Variants in PAX9 observed in about 807,000 individuals in gnomAD.
The protein encoded by PAX9 is paired box protein Pax-9.
A neutral mutation model predicts 29.1 loss-of-function variants in PAX9; 6 were observed. That is an observed-to-expected ratio of 0.21 (90% CI 0.11 to 0.41). The LOEUF (loss-of-function observed/expected upper bound fraction) is 0.41, where lower values mean the gene tolerates loss of function less well. Among genes scored for constraint, PAX9 ranks in the 10% least tolerant of loss-of-function variants. The probability of loss-of-function intolerance (pLI) is 1.00; values close to 1 mark genes in which losing one functional copy is unlikely to be tolerated. For synonymous variants in PAX9, 217 were observed against 211.7 expected, an observed-to-expected ratio of 1.03 and a Z score of -0.22; for missense variants, 443 against 479.1, an observed-to-expected ratio of 0.92 and a Z score of 0.70.
rs1161932041 is a variant in PAX9 at position 36,663,490 on chromosome 14, G to T, written c.598G>T (p.Asp200Tyr). 2 of 1,612,898 alleles carry T rather than the reference G, an allele frequency of 1.2e-6. No homozygotes were observed. Among genetic ancestry groups the T allele is most frequent in the Admixed American group, 1.7e-5 (1 of 60,020 alleles). ...CTGGCCCTCCTCGCACTCCGTCACC[G>T]ACATCCTGGGCATCCGCTCCATCAC... ...RTWPSSHSVT[D>Y]ILGIRSITDQ... The change falls in exon 2 of 4, where the codon GAC becomes TAC. Residue 200 changes from aspartate to tyrosine, a missense_variant. By Grantham distance (160) the Asp-to-Tyr change is radical. Coordinates refer to ENST00000361487, the MANE Select transcript of PAX9 (RefSeq NM_001372076.1).
In PAX9 at chr14:36,677,097, T is replaced by C. The variant is rs1262974574; in HGVS notation, c.*645T>C. 6.4e-6 allele frequency: 1 copy of C among 155,176 alleles called. No individual in the cohort carries two copies. Among genetic ancestry groups the C allele is most frequent in the Non-Finnish European group, 1.4e-5 (1 of 69,940 alleles). The allele number at this position is 155,176 out of a possible 1,614,324, so 9.6% of individuals were successfully genotyped here. On this transcript the variant is annotated 3_prime_UTR_variant, in exon 4 of 4. Coordinates refer to ENST00000361487, the MANE Select transcript of PAX9 (RefSeq NM_001372076.1). Reference sequence around the variant, plus strand: ...TCCAAATACAATAATGTTTATATTTTCTATTAGTTTGTAAATACGGACTCT... The same window carrying C: ...TCCAAATACAATAATGTTTATATTTCCTATTAGTTTGTAAATACGGACTCT...
intron 2 of PAX9, among the ~76,000 whole-genome samples, chr14:36,664,608 T>C (rs1881421180): frequency 6.6e-6 from 1 of 151,324 alleles, no homozygotes; most frequent in African/African-American, 2.4e-5. Flanking sequence ...TTTTTCTTGG[T>C]AGGGAGAAAA....
intron 3 of PAX9, among the ~76,000 whole-genome samples, chr14:36,666,912 G>A (rs1233433993): frequency 6.6e-6 from 1 of 152,166 alleles, no homozygotes; most frequent in African/African-American, 2.4e-5. Flanking sequence ...GGGAGCTTGG[G>A]GAGGCGGCTC....
intron 3 of PAX9, among the ~76,000 whole-genome samples, chr14:36,669,829 G>C (rs1295102921): frequency 6.6e-6 from 1 of 151,998 alleles, no homozygotes; most frequent in Non-Finnish European, 1.5e-5. Context: ...ATATTTTGCA[G>C]TGCCATTCAG....
At chr14:36,665,703 T>C (rs1381748102) in intron 2 of PAX9, among the ~76,000 whole-genome samples, 1 of 152,186 alleles carries the variant, frequency 6.6e-6, no homozygotes, top group Non-Finnish European at 1.5e-5. Context: ...TTTCTCTTTC[T>C]TGTATATACA....
chr14:36,663,588 C>A lies in PAX9; in HGVS notation c.631+65C>A. On this transcript the variant is annotated intron_variant, in intron 2 of 3. Coordinates refer to ENST00000361487, the MANE Select transcript of PAX9 (RefSeq NM_001372076.1). ...TGCCCCCGCACTCTCGCGGAGGTCC[C>A]AGTATCTGCAGCCTCAGGGACACTG... The A allele has an allele frequency of 5.7e-6, 9 of 1,588,378 alleles. No homozygotes were observed. In the South Asian group the frequency reaches 1.0e-4, roughly 18 times the overall value.
rs1316710481 is a variant in PAX9, at chr14:36,661,937, T to C, written c.-153T>C. On this transcript the variant is annotated 5_prime_UTR_variant, in exon 1 of 4. Coordinates refer to ENST00000361487, the MANE Select transcript of PAX9 (RefSeq NM_001372076.1). ...ATCGGGGCACAGACTTCCTTTTACT[T>C]CTTCCTTTTGCCCTCTCGCCTCCTC... The C allele has an allele frequency of 8.1e-6, 7 of 868,842 alleles. No homozygotes were observed. Among genetic ancestry groups the C allele is most frequent in the African/African-American group, 3.3e-5 (2 of 59,852 alleles). The allele number at this position is 868,842 out of a possible 1,614,324, so 53.8% of individuals were successfully genotyped here.
At chr14:36,671,062 T>A in intron 3 of PAX9, 1 of 437,032 alleles carries the variant, frequency 2.3e-6, no homozygotes, top group Non-Finnish European at 4.5e-6. Context: ...CAAAACTTTT[T>A]CTTGCTTATG....
intron 3 of PAX9, among the ~76,000 whole-genome samples, chr14:36,668,307 A>G (rs2139114822): frequency 6.6e-6 from 1 of 152,318 alleles, no homozygotes; most frequent in South Asian, 2.1e-4. Context: ...GAGTTGAAAA[A>G]GTTTCTAATT....
At chr14:36,672,031 A>G (rs1275469745) in intron 3 of PAX9, 3 of 152,196 alleles carry the variant, frequency 2.0e-5, no homozygotes, top group Non-Finnish European at 2.9e-5. Flanking sequence ...TTTCAGGGGA[A>G]AGAATTCTCA....
chr14:36,662,127 G>GAAGGGAGGGAGGGAGCGAGCGGGC, intron 1 of PAX9, 34 bp downstream of exon 1: 1 of 1,113,318 alleles, frequency 9.0e-7, no homozygotes. Flanking sequence ...TCAGAGCCGG[G>GAAGGGAGGGAGGGAGCGAGCGGGC]AAGGGAGGGA....
At chr14:36,660,084 C>G (rs578094729), upstream of PAX9, among the ~76,000 whole-genome samples, 1 of 152,232 alleles carries the variant, frequency 6.6e-6, no homozygotes, top group African/African-American at 2.4e-5. Flanking sequence ...GTCAAGTTGC[C>G]GGGCATGTTC....
rs1370014578 is a variant in PAX9, at chr14:36,678,838, A to G, written c.*2386A>G. 2 of 980,996 alleles carry G rather than the reference A, an allele frequency of 2.0e-6. No homozygotes were observed. Among genetic ancestry groups the G allele is most frequent in the Non-Finnish European group, 2.4e-6 (2 of 819,344 alleles). The allele number at this position is 980,996 out of a possible 1,614,324, so 60.8% of individuals were successfully genotyped here. ...AGGTCTTAACAGTGAATTCACATGG[A>G]GTAATTTTTAAAAGATATCAGATAC... On this transcript the variant is annotated 3_prime_UTR_variant, in exon 4 of 4. Transcript: ENST00000361487.
At position 36,679,049 on chromosome 14, in the gene PAX9, C is replaced by T; in HGVS notation, c.*2597C>T. On this transcript the variant is annotated 3_prime_UTR_variant, in exon 4 of 4. Coordinates refer to ENST00000361487, the MANE Select transcript of PAX9 (RefSeq NM_001372076.1). ...AAATGCACTCTTCAGAAATCCTTTT[C>T]TATCTGATCCACATGGAGAGGTTAA... The T allele has an allele frequency of 1.0e-6, 1 of 985,440 alleles. No individual in the cohort carries two copies. Among genetic ancestry groups the T allele is most frequent in the Non-Finnish European group, 1.2e-6 (1 of 829,974 alleles). 61.0% of individuals were successfully genotyped at this position (985,440 alleles called of 1,614,324 possible). A position where few individuals can be genotyped will look rare whatever the true frequency, so the allele number is the denominator to read the frequency against.
chr14:36,663,440 C>T lies in PAX9; in HGVS notation c.548C>T (p.Pro183Leu). The change falls in exon 2 of 4, where the codon CCC (proline) becomes CTC (leucine). Residue 183 changes from proline (P) to leucine (L), a missense_variant. Coordinates refer to ENST00000361487, the MANE Select transcript of PAX9 (RefSeq NM_001372076.1). The stretch of plus-strand genomic sequence containing the variant: ...ACGCCACCCGGGGTGCCTGCCATCC[C>T]CGGTTCGGTGGCCATGCCGCGCACC... ...VPTPPGVPAI[P>L]GSVAMPRTWP... 2 of 1,613,032 alleles carry T rather than the reference C, an allele frequency of 1.2e-6. No individual in the cohort carries two copies. Among genetic ancestry groups the T allele is most frequent in the Non-Finnish European group, 8.5e-7 (1 of 1,179,756 alleles).
chr14:36,660,819 A>G (rs1266868310), upstream of PAX9, among the ~76,000 whole-genome samples: 2 of 152,262 alleles, frequency 1.3e-5, no homozygotes, highest in African/African-American at 2.4e-5. Flanking sequence ...TTTGGCTGCA[A>G]AAAAGCATAC....
In PAX9 at chr14:36,678,726, G is replaced by T; in HGVS notation, c.*2274G>T. On this transcript the variant is annotated 3_prime_UTR_variant, in exon 4 of 4. Transcript: ENST00000361487. ...CTTTATCTAAATTAAGAAATCTCTT[G>T]TTATTGTGCTATTTATAATTTTTTT... 8.4e-7 allele frequency: 1 copy of T among 1,188,162 alleles called. No individual in the cohort carries two copies. Among genetic ancestry groups the T allele is most frequent in the Non-Finnish European group, 1.0e-6 (1 of 955,194 alleles). 73.6% of individuals were successfully genotyped at this position (1,188,162 alleles called of 1,614,324 possible).
rs1881287236 is a variant in PAX9 at position 36,661,997 on chromosome 14, C to T, written c.-93C>T. ...AGAAGCGGAGGCGCCGGCGGTCGGCCGGGATAGCAACAGGCCGGGCCACTG... is the reference window on the plus strand; with the variant it reads ...AGAAGCGGAGGCGCCGGCGGTCGGCTGGGATAGCAACAGGCCGGGCCACTG... On this transcript the variant is annotated 5_prime_UTR_variant, in exon 1 of 4. Transcript: ENST00000361487. 3 of 1,515,572 alleles carry T rather than the reference C, an allele frequency of 2.0e-6. No homozygotes were observed. The highest frequency in any genetic ancestry group is 1.4e-5 in the African/African-American group (1 of 72,334). The allele number at this position is 1,515,572 out of a possible 1,614,324, so 93.9% of individuals were successfully genotyped here. A position where few individuals can be genotyped will look rare whatever the true frequency, so the allele number is the denominator to read the frequency against.
intron 2 of PAX9, 139 bp downstream of exon 2, chr14:36,663,662 C>T: frequency 9.2e-7 from 1 of 1,086,776 alleles, no homozygotes; most frequent in Non-Finnish European, 1.3e-6. Flanking sequence ...AAGGAGTCTT[C>T]CTAGGGGGTG....
Sources: gnomAD v4.1 joint callset for allele counts (sites outside exome capture counted in the v4.1 genomes callset) on GRCh38, gnomAD v4.1.1 for gene constraint, MANE v1.5 for transcripts, NCBI Gene and HGNC (gene_info 2026-07-23, HGNC 2026-07-21) for gene names.